Variants in KLF8 observed in about 807,000 individuals in gnomAD.
KLF8 encodes Krueppel-like factor 8.
Under a neutral mutation model 18.2 loss-of-function variants are expected in KLF8, and 10 were observed. That is an observed-to-expected ratio of 0.55 (90% CI 0.34 to 0.93). The LOEUF (loss-of-function observed/expected upper bound fraction) is 0.93, where lower values mean the gene tolerates loss of function less well. KLF8 is among the 40% of genes least tolerant of loss of function. The pLI, the probability that KLF8 is intolerant of heterozygous loss-of-function variation, is 0.02. For synonymous variants in KLF8, 109 were observed against 97.3 expected, an observed-to-expected ratio of 1.12 and a Z score of -0.71; for missense variants, 264 against 277.9, an observed-to-expected ratio of 0.95 and a Z score of 0.36.
the KLF8 span, among the ~76,000 whole-genome samples, chrX:55,963,251 A>G: frequency 8.9e-6 from 1 of 112,018 alleles, no homozygotes; most frequent in African/African-American, 3.2e-5. Context: ...AATAGTGGAG[A>G]GTAGGTAACT....
chrX:56,096,283 A>G, the KLF8 span, among the ~76,000 whole-genome samples: 2 of 111,178 alleles, frequency 1.8e-5, no homozygotes, highest in African/African-American at 6.5e-5. Flanking sequence ...CAGACATTGG[A>G]AACTACAAAA....
At chrX:56,032,020 G>A in the KLF8 span, among the ~76,000 whole-genome samples, 10 of 110,916 alleles carry the variant, frequency 9.0e-5, no homozygotes, top group Non-Finnish European at 1.3e-4. Context: ...GGATAACATC[G>A]GTTGCTAGGT....
At chrX:56,117,661 C>A in the KLF8 span, among the ~76,000 whole-genome samples, 1 of 112,324 alleles carries the variant, frequency 8.9e-6, no homozygotes. Flanking sequence ...TGAAGCAAGA[C>A]AACTGCAGGA....
At chrX:56,075,769 T>G in the KLF8 span, among the ~76,000 whole-genome samples, 1 of 111,719 alleles carries the variant, frequency 9.0e-6, no homozygotes, top group Admixed American at 9.6e-5. Flanking sequence ...ACATGTGATG[T>G]TTTTCTTTCT....
the KLF8 span, among the ~76,000 whole-genome samples, chrX:55,959,212 T>G: frequency 8.9e-6 from 1 of 111,733 alleles, no homozygotes; most frequent in African/African-American, 3.3e-5. Flanking sequence ...AAAACCAAAT[T>G]ATACCACATT....
chrX:56,052,254 C>T, the KLF8 span, among the ~76,000 whole-genome samples: 1 of 111,919 alleles, frequency 8.9e-6, no homozygotes, highest in Non-Finnish European at 1.9e-5. Flanking sequence ...CGTCTGAAGC[C>T]TTCTTCTCTC....
At chrX:56,057,783 G>A in the KLF8 span, among the ~76,000 whole-genome samples, 1 of 110,708 alleles carries the variant, frequency 9.0e-6, no homozygotes, top group Non-Finnish European at 1.9e-5. Flanking sequence ...CAAGCCTGGG[G>A]GAATGGCTGT....
At chrX:56,173,205 T>A in the KLF8 span, among the ~76,000 whole-genome samples, 1 of 111,560 alleles carries the variant, frequency 9.0e-6, no homozygotes, top group Non-Finnish European at 1.9e-5. Context: ...ATGGCCTAGG[T>A]TTTCTTGTAG....
In KLF8 at chrX:56,286,967, C is replaced by T. The variant is rs749227704; in HGVS notation, c.*2473C>T. 6.3e-5 allele frequency: 7 copies of T among 111,829 alleles called. No individual in the cohort carries two copies. In the East Asian group the frequency reaches 2.0e-3, roughly 31 times the overall value. The allele number at this position is 111,829 out of a possible 1,213,427, so 9.2% of individuals were successfully genotyped here. On this transcript the variant is annotated 3_prime_UTR_variant, in exon 6 of 6. Coordinates refer to ENST00000468660, the MANE Select transcript of KLF8 (RefSeq NM_007250.5). Reference sequence around the variant, plus strand: ...TATTTCACAGTAGAGCCCGAGCTTACTCATTTTTTTCAAAATTTGGATCCT... The same window carrying T: ...TATTTCACAGTAGAGCCCGAGCTTATTCATTTTTTTCAAAATTTGGATCCT...
At position 56,284,459 on chromosome X, in the gene KLF8, C is replaced by G; in HGVS notation, c.1045C>G (p.Leu349Val). 8.3e-7 allele frequency: 1 copy of G among 1,204,470 alleles called. No homozygotes were observed. The highest frequency in any genetic ancestry group is 1.1e-6 in the Non-Finnish European group (1 of 892,400). ...CCGCAGCTTTTCTCGTTCTGACCAC[C>G]TGTCCCTGCATCGCCGTCGCCATGA... ...CNRSFSRSDH[L>V]SLHRRRHDTM Residue 349 changes from leucine (L) to valine (V), a missense_variant, in exon 6 of 6, where the codon CTG becomes GTG. Coordinates refer to ENST00000468660, the MANE Select transcript of KLF8 (RefSeq NM_007250.5).
the KLF8 span, among the ~76,000 whole-genome samples, chrX:56,080,126 T>A: frequency 9.0e-6 from 1 of 111,730 alleles, no homozygotes; most frequent in East Asian, 2.8e-4. Flanking sequence ...TGTCTTTTAA[T>A]TGGAGCATTT....
chrX:56,123,336 G>A, the KLF8 span, among the ~76,000 whole-genome samples: 1 of 105,889 alleles, frequency 9.4e-6, no homozygotes, highest in African/African-American at 3.8e-5. Flanking sequence ...GAAAGTTACC[G>A]ATCTTAGTAG....
chrX:56,213,314 C>CTTTT, the KLF8 span, among the ~76,000 whole-genome samples: 10 of 12,008 alleles, frequency 8.3e-4, no homozygotes, highest in Non-Finnish European at 1.2e-3. Flanking sequence ...CTTTTCTTTT[C>CTTTT]TTTTTTTTTT....
At chrX:55,926,377 T>A in the KLF8 span, among the ~76,000 whole-genome samples, 1 of 110,493 alleles carries the variant, frequency 9.1e-6, no homozygotes, top group Non-Finnish European at 1.9e-5. Flanking sequence ...TATCTGTGTA[T>A]TTACAGATAG....
the KLF8 span, among the ~76,000 whole-genome samples, chrX:56,169,698 G>T: frequency 2.7e-5 from 3 of 111,101 alleles, no homozygotes; most frequent in African/African-American, 9.8e-5. Context: ...GGACTTCTAA[G>T]TTTTTTTGAC....
the KLF8 span, among the ~76,000 whole-genome samples, chrX:56,137,781 A>C: frequency 1.2e-5 from 1 of 86,331 alleles, no homozygotes. Context: ...CAAAGAAACA[A>C]AAAAAAAAGA....
chrX:56,146,538 A>G, the KLF8 span, among the ~76,000 whole-genome samples: 1 of 110,560 alleles, frequency 9.0e-6, no homozygotes, highest in African/African-American at 3.3e-5. Context: ...CAGGGAGGGG[A>G]ACATCACACG....
the KLF8 span, among the ~76,000 whole-genome samples, chrX:56,136,381 G>A: frequency 9.0e-6 from 1 of 111,289 alleles, no homozygotes; most frequent in Non-Finnish European, 1.9e-5. Flanking sequence ...AACCAAAACA[G>A]CATGGTACTG....
chrX:56,004,230 A>G, the KLF8 span, among the ~76,000 whole-genome samples: 3 of 112,483 alleles, frequency 2.7e-5, 1 homozygote, highest in Middle Eastern at 8.4e-3. Context: ...GAGTCAATAC[A>G]TGTCAAGTGT....
Sources: gnomAD v4.1 joint callset for allele counts (sites outside exome capture counted in the v4.1 genomes callset) on GRCh38, gnomAD v4.1.1 for gene constraint, MANE v1.5 for transcripts, NCBI Gene and HGNC (gene_info 2026-07-23, HGNC 2026-07-21) for gene names.